The following CFAP36 variants were observed in gnomAD, a reference collection of about 807,000 sequenced individuals.
The protein encoded by CFAP36 is cilia and flagella associated protein 36.
Under a neutral mutation model 50.5 loss-of-function variants are expected in CFAP36, and 37 were observed. That is an observed-to-expected ratio of 0.73 (90% confidence interval 0.56 to 0.96). The LOEUF (loss-of-function observed/expected upper bound fraction) is 0.96. CFAP36 is among the 50% of genes least tolerant of loss of function. The pLI, the probability that CFAP36 is intolerant of heterozygous loss-of-function variation, is 0.00. For missense variants in CFAP36, 407 were observed against 396.2 expected (o/e 1.03, Z -0.23); for synonymous variants, 138 against 128.2 (o/e 1.08, Z -0.52).
intron 4 of CFAP36, among the ~76,000 whole-genome samples, chr2:55,529,848 A>G (rs536396592): frequency 9.2e-5 from 14 of 152,028 alleles, no homozygotes; most frequent in South Asian, 8.3e-4. Flanking sequence ...GGGTTTCACC[A>G]TGTTAGCCAG....
intron 4 of CFAP36, 23 bp from the exon 5 acceptor site, chr2:55,533,850 A>C (rs369003491): frequency 1.4e-6 from 2 of 1,475,766 alleles, no homozygotes; most frequent in Non-Finnish European, 1.9e-6. Flanking sequence ...ATACTATTTC[A>C]TGTGGTCTTT....
chr2:55,520,018 C>T lies in CFAP36; in HGVS notation c.115+102C>T, dbSNP rs114459247. ...AGCCATCTCTCGTCTCCCCGACCCC[C>T]TGTCTCCACCCCTGTCGCAAGGTCT... On this transcript the variant is annotated intron_variant, in intron 1 of 9. Transcript: ENST00000349456. 2,638 of 1,009,516 alleles carry T rather than the reference C, an allele frequency of 2.6e-3. 9 individuals are homozygous for T. Among genetic ancestry groups the T allele is most frequent in the Non-Finnish European group, 3.4e-3 (2,237 of 667,520 alleles). The allele number at this position is 1,009,516 out of a possible 1,614,324, so 62.5% of individuals were successfully genotyped here.
intron 4 of CFAP36, 61 bp downstream of exon 4, chr2:55,529,053 T>C: frequency 8.8e-7 from 1 of 1,131,940 alleles, no homozygotes; most frequent in Non-Finnish European, 1.3e-6. Flanking sequence ...GTTTTGACTA[T>C]TCTAATATGG....
Position 55,544,264 on chromosome 2 carries a change from C to T in CFAP36, c.822C>T (p.His274=). 1 of 1,613,844 alleles carries T rather than the reference C, an allele frequency of 6.2e-7. No individual in the cohort carries two copies. The highest frequency in any genetic ancestry group is 8.5e-7 in the Non-Finnish European group (1 of 1,179,914). Residue 274 remains histidine, a synonymous_variant, in exon 9 of 10, where the codon CAC becomes CAT. Coordinates refer to ENST00000349456, the MANE Select transcript of CFAP36 (RefSeq NM_080667.7). ...CAGAAGAACTTCGGCAACGAGAACA[C>T]TATCTCAAGCAGAAGAGAGATAAGT... is the stretch of plus-strand genomic sequence containing the variant. The part of the protein sequence containing the change: ...LGTEELRQRE[H]YLKQKRDKLM...
intron 5 of CFAP36, among the ~76,000 whole-genome samples, chr2:55,534,417 C>T (rs1684428716): frequency 6.6e-6 from 1 of 152,206 alleles, no homozygotes; most frequent in African/African-American, 2.4e-5. Flanking sequence ...GGAGGGATGA[C>T]AGAGGCGTCT....
chr2:55,521,404 C>T (rs1684057845), intron 1 of CFAP36, among the ~76,000 whole-genome samples: 1 of 151,680 alleles, frequency 6.6e-6, no homozygotes, highest in African/African-American at 2.4e-5. Flanking sequence ...AGCAAAATTC[C>T]AGTACAATAA....
chr2:55,524,630 TC>T (rs1684153517), intron 3 of CFAP36, among the ~76,000 whole-genome samples: 1 of 152,062 alleles, frequency 6.6e-6, no homozygotes, highest in Non-Finnish European at 1.5e-5. Flanking sequence ...ATGTTTTATC[TC>T]ATTTAATCTT....
At chr2:55,536,278 G>A (rs760828290) in intron 6 of CFAP36, among the ~76,000 whole-genome samples, 49 of 151,460 alleles carry the variant, frequency 3.2e-4, no homozygotes, top group Non-Finnish European at 6.0e-4. Flanking sequence ...GATTACAAGC[G>A]TGCGCCATCA....
chr2:55,539,560 T>C (rs1684579750), intron 7 of CFAP36: 1 of 152,266 alleles, frequency 6.6e-6, no homozygotes, highest in Non-Finnish European at 1.5e-5. Context: ...TTTTGACAAT[T>C]ATGAATAAAG....
In CFAP36 at chr2:55,537,526, A is replaced by G. The variant is rs1207518950; in HGVS notation, c.581A>G (p.Glu194Gly). ...GAAGAGCCCACAGTGCATTCCAGTG[A>G]AGCTGCAATAATGAATAATTCCCAA... ...KTEEPTVHSS[E>G]AAIMNNSQGD... Residue 194 changes from glutamate to glycine, a missense_variant, in exon 7 of 10, where the codon GAA (glutamate) becomes GGA (glycine). By Grantham distance (98) the Glu-to-Gly change is moderately conservative (BLOSUM62 -2). Transcript: ENST00000349456. 1 of 1,613,846 alleles carries G rather than the reference A, an allele frequency of 6.2e-7. No homozygotes were observed. Among genetic ancestry groups the G allele is most frequent in the Non-Finnish European group, 8.5e-7 (1 of 1,179,876 alleles).
At chr2:55,524,024 C>T (rs147644893) in intron 3 of CFAP36, among the ~76,000 whole-genome samples, 59 of 152,340 alleles carry the variant, frequency 3.9e-4, no homozygotes, top group African/African-American at 1.3e-3. Flanking sequence ...ACTGATGCAA[C>T]TCAAAGTGAC....
chr2:55,544,497 C>A, intron 9 of CFAP36, 128 bp downstream of exon 9: 2 of 813,166 alleles, frequency 2.5e-6, no homozygotes, highest in Non-Finnish European at 3.8e-6. Flanking sequence ...CCTCCTAGTG[C>A]AGTAGCTGCT....
chr2:55,538,945 C>T lies in CFAP36; in HGVS notation c.640+1360C>T, dbSNP rs554545121. 2.6e-5 allele frequency: 37 copies of T among 1,413,464 alleles called. No individual in the cohort carries two copies. In the Admixed American group the frequency reaches 8.0e-4, roughly 30 times the overall value. The allele number at this position is 1,413,464 out of a possible 1,614,324, so 87.6% of individuals were successfully genotyped here. ...TTTTTTAATGTAAGTTGGAGAACAC[C>T]TTTCTTTAATATGCCTAATTTAAGC... On this transcript the variant is annotated intron_variant, in intron 7 of 9. Coordinates refer to ENST00000349456, the MANE Select transcript of CFAP36 (RefSeq NM_080667.7).
chr2:55,540,905 A>G (rs1684621157), intron 7 of CFAP36, among the ~76,000 whole-genome samples: 1 of 152,016 alleles, frequency 6.6e-6, no homozygotes, highest in South Asian at 2.1e-4. Context: ...CCCAGCCTCT[A>G]GGGAGGCTGA....
chr2:55,532,866 C>T (rs754502244), intron 4 of CFAP36, among the ~76,000 whole-genome samples: 71 of 152,314 alleles, frequency 4.7e-4, no homozygotes, highest in Non-Finnish European at 9.0e-4. Flanking sequence ...CAATTATTAC[C>T]AGTCCACCTG....
intron 9 of CFAP36, among the ~76,000 whole-genome samples, chr2:55,544,698 C>G (rs988470876): frequency 6.6e-6 from 1 of 152,170 alleles, no homozygotes; most frequent in Non-Finnish European, 1.5e-5. Flanking sequence ...CCACCTTTAT[C>G]ATAGAGCACA....
At chr2:55,525,781 C>T (rs185225147) in intron 3 of CFAP36, among the ~76,000 whole-genome samples, 3 of 152,308 alleles carry the variant, frequency 2.0e-5, no homozygotes, top group African/African-American at 2.4e-5. Flanking sequence ...CAGGCTCCCA[C>T]CACCATGCCC....
In CFAP36 at chr2:55,528,867, TC is replaced by T. The variant is rs1684278798; in HGVS notation, c.283-10del. ...TTGAATCTTCATTTCACTTGAGACT[TC>T]TTTCCACAGGCCATTTTGCAACCTG... is the stretch of plus-strand genomic sequence containing the variant. On this transcript the variant is annotated splice_polypyrimidine_tract_variant and intron_variant, in intron 3 of 9. Transcript: ENST00000349456. The T allele has an allele frequency of 4.5e-6, 7 of 1,558,694 alleles. No individual in the cohort carries two copies. Among genetic ancestry groups the T allele is most frequent in the Non-Finnish European group, 6.1e-6 (7 of 1,141,688 alleles).
At chr2:55,525,574 C>T (rs964119202) in intron 3 of CFAP36, among the ~76,000 whole-genome samples, 1 of 152,138 alleles carries the variant, frequency 6.6e-6, no homozygotes, top group Admixed American at 6.5e-5. Flanking sequence ...TAGCCATGAT[C>T]CCTTGCTATA....
Sources: allele counts gnomAD v4.1 joint callset (sites outside exome capture counted in the v4.1 genomes callset), GRCh38; gene constraint gnomAD v4.1.1; transcripts MANE v1.5; gene names NCBI Gene and HGNC (gene_info 2026-07-23, HGNC 2026-07-21).